Variants in ANK2 observed in about 807,000 individuals in gnomAD.
ANK2 encodes ankyrin 2, also known as ankyrin-2.
ANK2 carries 83 observed loss-of-function variants against 360.5 expected under a neutral mutation model. That is an observed-to-expected ratio of 0.23 (90% CI 0.19 to 0.28). ANK2 has a LOEUF of 0.28. Among genes scored for constraint, ANK2 ranks in the 10% least tolerant of loss-of-function variants. The pLI is 1.00. For synonymous variants in ANK2, 1,740 were observed against 1,759.5 expected, an observed-to-expected ratio of 0.99 and a Z score of 0.28; for missense variants, 4,201 against 4,795.7, an observed-to-expected ratio of 0.88 and a Z score of 3.66.
At chr4:113,302,679 CTGT>C in intron 22 of ANK2, 85 bp from the exon 23 acceptor site, 1 of 994,150 alleles carries the variant, frequency 1.0e-6, no homozygotes, top group East Asian at 2.4e-5. Flanking sequence ...CTTGCTGCTG[CTGT>C]TGAGTGTGGC....
At chr4:112,843,769 A>G (rs1370525124) in intron 1 of ANK2, among the ~76,000 whole-genome samples, 1 of 152,184 alleles carries the variant, frequency 6.6e-6, no homozygotes, top group Non-Finnish European at 1.5e-5. Context: ...AATGTATTAT[A>G]GTTTTTCGTT....
chr4:112,912,318 T>C (rs2087892266), intron 2 of ANK2, among the ~76,000 whole-genome samples: 1 of 152,194 alleles, frequency 6.6e-6, no homozygotes, highest in South Asian at 2.1e-4. Flanking sequence ...GCCAGTTGTT[T>C]CCAAACATAC....
At chr4:112,720,787 C>T in the ANK2 span, among the ~76,000 whole-genome samples, 3 of 152,260 alleles carry the variant, frequency 2.0e-5, no homozygotes, top group South Asian at 2.1e-4. Context: ...GACTGTGTAA[C>T]GTATAACTCA....
At chr4:113,216,391 C>T (rs2099085957) in intron 4 of ANK2, among the ~76,000 whole-genome samples, 1 of 152,160 alleles carries the variant, frequency 6.6e-6, no homozygotes. Flanking sequence ...TAATTTTAGA[C>T]TTTTAAAGGT....
chr4:113,330,207 T>G, intron 26 of ANK2, 39 bp from the exon 27 acceptor site: 1 of 1,576,078 alleles, frequency 6.3e-7, no homozygotes, highest in Non-Finnish European at 8.7e-7. Context: ...CTGCCCCCAA[T>G]ATTTCAAAAC....
the ANK2 span, among the ~76,000 whole-genome samples, chr4:112,793,817 C>G: frequency 6.6e-6 from 1 of 151,564 alleles, no homozygotes; most frequent in Admixed American, 6.6e-5. Context: ...ATGATTCTCC[C>G]ACCTCAACCT....
chr4:113,090,989 C>T (rs1263075595), intron 1 of ANK2, among the ~76,000 whole-genome samples: 1 of 152,070 alleles, frequency 6.6e-6, no homozygotes, highest in Non-Finnish European at 1.5e-5. Flanking sequence ...TACTTCTGGG[C>T]ATATCAGTGG....
chr4:113,261,793 A>G (rs1348219146), intron 13 of ANK2, among the ~76,000 whole-genome samples: 1 of 151,964 alleles, frequency 6.6e-6, no homozygotes, highest in Non-Finnish European at 1.5e-5. Context: ...TAAAACCCAT[A>G]AAAAAAACTT....
chr4:113,301,615 C>T (rs1391574639), intron 22 of ANK2, among the ~76,000 whole-genome samples: 1 of 152,130 alleles, frequency 6.6e-6, no homozygotes, highest in African/African-American at 2.4e-5. Flanking sequence ...TATCTTTTAA[C>T]CAACATCTCC....
At chr4:112,827,394 A>G in intron 1 of ANK2, 1 of 1,379,092 alleles carries the variant, frequency 7.3e-7, no homozygotes, top group South Asian at 1.2e-5. Flanking sequence ...CAGCTCTTGC[A>G]GCTATTGGAC....
intron 16 of ANK2, among the ~76,000 whole-genome samples, chr4:113,278,223 A>C (rs1167133383): frequency 6.6e-6 from 1 of 152,034 alleles, no homozygotes; most frequent in East Asian, 1.9e-4. Flanking sequence ...AGCAGTTTAG[A>C]CCTTTTTACA....
chr4:112,750,536 T>C, the ANK2 span, among the ~76,000 whole-genome samples: 44 of 152,078 alleles, frequency 2.9e-4, no homozygotes, highest in Admixed American at 1.3e-4. Flanking sequence ...TATACTGTTA[T>C]GGGAAAGGGG....
chr4:113,186,685 C>T (rs1224183219), intron 2 of ANK2, among the ~76,000 whole-genome samples: 3 of 151,864 alleles, frequency 2.0e-5, no homozygotes, highest in Non-Finnish European at 4.4e-5. Context: ...TTTTCAAGGC[C>T]TCTTCTCTTA....
At chr4:113,002,629 G>A (rs1424143775) in intron 2 of ANK2, among the ~76,000 whole-genome samples, 5 of 152,174 alleles carry the variant, frequency 3.3e-5, no homozygotes, top group African/African-American at 1.2e-4. Flanking sequence ...ACAGACCTTT[G>A]TCATTTCCTA....
intron 1 of ANK2, among the ~76,000 whole-genome samples, chr4:112,833,468 G>A (rs1294860372): frequency 6.6e-6 from 1 of 151,882 alleles, no homozygotes; most frequent in African/African-American, 2.4e-5. Flanking sequence ...GCACCTAGGT[G>A]CCTATATATT....
At chr4:113,239,360 C>CTA (rs1336409783) in intron 7 of ANK2, among the ~76,000 whole-genome samples, 1 of 151,884 alleles carries the variant, frequency 6.6e-6, no homozygotes, top group Non-Finnish European at 1.5e-5. Flanking sequence ...CCACCAAAGC[C>CTA]TATAGATCAA....
chr4:113,334,191 C>T (rs140203544), intron 29 of ANK2, among the ~76,000 whole-genome samples: 15 of 152,222 alleles, frequency 9.9e-5, no homozygotes, highest in East Asian at 9.6e-4. Flanking sequence ...CATCCTACCA[C>T]GGTTTGAATA....
intron 2 of ANK2, among the ~76,000 whole-genome samples, chr4:112,913,249 A>C (rs1453872724): frequency 6.6e-6 from 1 of 152,220 alleles, no homozygotes; most frequent in African/African-American, 2.4e-5. Context: ...ATGGATACTT[A>C]ATTACCTTTC....
intron 2 of ANK2, among the ~76,000 whole-genome samples, chr4:112,947,709 AACTT>A (rs1330699574): frequency 1.3e-5 from 2 of 152,306 alleles, no homozygotes; most frequent in Admixed American, 6.5e-5. Flanking sequence ...ATCACTTTGA[AACTT>A]ACTTAAAAAT....
Sources: gnomAD v4.1 joint callset for allele counts (sites outside exome capture counted in the v4.1 genomes callset) on GRCh38, gnomAD v4.1.1 for gene constraint, MANE v1.5 for transcripts, NCBI Gene and HGNC (gene_info 2026-07-23, HGNC 2026-07-21) for gene names.